CNOT4: variants seen among roughly 807,000 people sequenced by gnomAD.
The protein encoded by CNOT4 is CCR4-NOT transcription complex subunit 4, also known as CCR4-associated factor 4.
In CNOT4, 8 loss-of-function variants were observed where a neutral mutation model predicts 73.8. The ratio of observed to expected loss-of-function variants is 0.11; its 90% confidence interval spans 0.06 to 0.20. The LOEUF (loss-of-function observed/expected upper bound fraction) is 0.20. Ranked by LOEUF, CNOT4 falls within the 10% of genes least tolerant of loss-of-function variation. CNOT4 has a pLI of 1.00. For synonymous variants in CNOT4, 293 were observed against 321.1 expected (o/e 0.91, Z 0.94); for missense variants, 564 against 883.4 (o/e 0.64, Z 4.58).
chr7:135,472,861 G>A (rs1167226849), intron 1 of CNOT4, among the ~76,000 whole-genome samples: 1 of 151,842 alleles, frequency 6.6e-6, no homozygotes, highest in Non-Finnish European at 1.5e-5. Context: ...GAAACACAGG[G>A]AGACCCTGTC....
chr7:135,387,398 T>G, intron 10 of CNOT4: 1 of 983,068 alleles, frequency 1.0e-6, no homozygotes, highest in Non-Finnish European at 1.2e-6. Flanking sequence ...TTTGTCACAT[T>G]ATATCTAACA....
At chr7:135,414,187 C>G (rs112111063) in intron 5 of CNOT4, 144 bp downstream of exon 5, 6,576 of 431,932 alleles carry the variant, frequency 0.015, 394 homozygotes, top group African/African-American at 0.12. Flanking sequence ...AACAAATTAG[C>G]TATAATAGAT....
intron 10 of CNOT4, among the ~76,000 whole-genome samples, chr7:135,381,789 C>T (rs367826472): frequency 3.3e-5 from 5 of 152,010 alleles, no homozygotes; most frequent in African/African-American, 4.8e-5. Flanking sequence ...GAATTTCACC[C>T]GCTATAAAAA....
chr7:135,452,495 G>A (rs1800234732), intron 1 of CNOT4, among the ~76,000 whole-genome samples: 1 of 152,064 alleles, frequency 6.6e-6, no homozygotes, highest in African/African-American at 2.4e-5. Context: ...ACATGAACCT[G>A]GGAGGCGGAG....
chr7:135,467,887 T>G (rs1183826642), intron 1 of CNOT4, among the ~76,000 whole-genome samples: 1 of 152,052 alleles, frequency 6.6e-6, no homozygotes, highest in Non-Finnish European at 1.5e-5. Flanking sequence ...TTTCACAAAT[T>G]TTAAAGTCAT....
rs992814926 is a variant in CNOT4, at chr7:135,388,463, G to T, written c.1627+5455C>A. ...AAAACAAGATACTACCATTACCTTT[G>T]TATAATTTTTCAATAATAGAGCCAA... On this transcript the variant is annotated intron_variant, in intron 10 of 11. Coordinates refer to ENST00000541284, the MANE Select transcript of CNOT4 (RefSeq NM_001190850.2). 9 of 989,658 alleles carry T rather than the reference G, an allele frequency of 9.1e-6. No individual in the cohort carries two copies. In the Admixed American group the frequency reaches 1.8e-4, roughly 20 times the overall value. 61.3% of individuals were successfully genotyped at this position (989,658 alleles called of 1,614,324 possible). A position where few individuals can be genotyped will look rare whatever the true frequency, so the allele number is the denominator to read the frequency against.
chr7:135,454,756 G>T (rs957453144), intron 1 of CNOT4, among the ~76,000 whole-genome samples: 17 of 152,056 alleles, frequency 1.1e-4, no homozygotes, highest in Non-Finnish European at 1.9e-4. Context: ...GCTGGGTATG[G>T]TGGCGTGTGC....
Position 135,394,073 on chromosome 7 carries a change from A to T in CNOT4, c.1472T>A (p.Phe491Tyr). The change falls in exon 10 of 12, where the codon TTT becomes TAT. Residue 491 changes from phenylalanine to tyrosine, a missense_variant. Physicochemically the swap from Phe to Tyr is conservative, Grantham distance 22. This residue lies in a region of CNOT4 where 153 missense variants were observed against 158.7 expected (regional missense o/e 0.96). Transcript: ENST00000541284. ...QHRAVYNSFSFPGQAARYPWM... is the reference protein window; with the variant it reads ...QHRAVYNSFSYPGQAARYPWM... Reference sequence around the variant, plus strand: ...AGGATAGCGGGCTGCCTGGCCTGGAAAACTGAATGAATTATAAACCGCTCG... The same window carrying T: ...AGGATAGCGGGCTGCCTGGCCTGGATAACTGAATGAATTATAAACCGCTCG... The T allele has an allele frequency of 6.2e-7, 1 of 1,614,178 alleles. No individual in the cohort carries two copies. Among genetic ancestry groups the T allele is most frequent in the Non-Finnish European group, 8.5e-7 (1 of 1,180,038 alleles).
intron 1 of CNOT4, among the ~76,000 whole-genome samples, chr7:135,479,476 T>C (rs947615466): frequency 2.6e-5 from 4 of 152,044 alleles, no homozygotes; most frequent in African/African-American, 9.7e-5. Flanking sequence ...CCCAAAGTGC[T>C]GGGATTACAG....
intron 10 of CNOT4, chr7:135,388,546 A>C (rs932700469): frequency 9.3e-6 from 10 of 1,075,692 alleles, no homozygotes; most frequent in Middle Eastern, 4.0e-4. Context: ...GTTTATTTTT[A>C]TGAGTTAGAA....
At chr7:135,488,993 A>G (rs550656095) in intron 1 of CNOT4, among the ~76,000 whole-genome samples, 35 of 152,288 alleles carry the variant, frequency 2.3e-4, no homozygotes, top group Middle Eastern at 3.4e-3. Flanking sequence ...ATAAAAACAT[A>G]AAAGTTGTTC....
At chr7:135,498,823 A>G (rs1803767203) in intron 1 of CNOT4, among the ~76,000 whole-genome samples, 1 of 152,160 alleles carries the variant, frequency 6.6e-6, no homozygotes, top group Non-Finnish European at 1.5e-5. Flanking sequence ...CTGGGATTAA[A>G]AGACTGCCAG....
chr7:135,436,153 G>C (rs1799141620), intron 2 of CNOT4, among the ~76,000 whole-genome samples: 1 of 366 alleles, frequency 2.7e-3, no homozygotes, highest in Non-Finnish European at 6.5e-3. Flanking sequence ...TTCATATCAA[G>C]CTTGCTAAAG....
intron 1 of CNOT4, among the ~76,000 whole-genome samples, chr7:135,443,845 A>C (rs1284234637): frequency 1.3e-5 from 2 of 152,184 alleles, no homozygotes; most frequent in Non-Finnish European, 2.9e-5. Flanking sequence ...TGTTCAAAAC[A>C]TATGTGTAAG....
chr7:135,429,817 T>C (rs535656619), intron 2 of CNOT4, among the ~76,000 whole-genome samples: 68 of 152,224 alleles, frequency 4.5e-4, no homozygotes, highest in African/African-American at 1.5e-3. Context: ...ATAAGACCGA[T>C]GAATACCATA....
intron 3 of CNOT4, among the ~76,000 whole-genome samples, chr7:135,416,597 T>A (rs570940148): frequency 9.9e-5 from 15 of 152,148 alleles, no homozygotes; most frequent in Non-Finnish European, 1.8e-4. Context: ...TAGTGGAGTT[T>A]GGAACTGCAT....
chr7:135,363,206 AAG>A lies in CNOT4; in HGVS notation c.1841-22_1841-21del, dbSNP rs1563005890. On this transcript the variant is annotated intron_variant, in intron 11 of 11. Transcript: ENST00000541284. This position sits in a 1 kb window ranked among gnomAD's most constrained non-coding sequence, Gnocchi z 4.3. ...GAATACCTAAGGAGAGAAAAGAAAA[AAG>A]AGGGAAAATGGTGAGTTTGTGTGGA... 6.2e-7 allele frequency: 1 copy of A among 1,610,130 alleles called. No individual in the cohort carries two copies.
intron 10 of CNOT4, among the ~76,000 whole-genome samples, chr7:135,390,450 A>T (rs115389173): frequency 0.038 from 5,753 of 152,164 alleles, 378 homozygotes; most frequent in African/African-American, 0.13. Flanking sequence ...ATAATAATAA[A>T]AAAAAAGATC....
At chr7:135,386,404 T>C (rs1796122922) in intron 10 of CNOT4, 1 of 151,996 alleles carries the variant, frequency 6.6e-6, no homozygotes, top group Non-Finnish European at 1.5e-5. Flanking sequence ...CATGCAGGAA[T>C]TTAACAACAA....
Sources: allele counts gnomAD v4.1 joint callset (sites outside exome capture counted in the v4.1 genomes callset), GRCh38; gene constraint gnomAD v4.1.1; regional missense constraint gnomAD v4.1.1; non-coding constraint Gnocchi (gnomAD v3.1); transcripts MANE v1.5; gene names NCBI Gene and HGNC (gene_info 2026-07-23, HGNC 2026-07-21).